The following TMEM68 variants were observed in gnomAD, a reference collection of about 807,000 sequenced individuals.
TMEM68 encodes transmembrane protein 68, also known as DGAT1/2-independent enzyme synthesizing storage lipids.
Under a neutral mutation model 36.9 loss-of-function variants are expected in TMEM68, and 25 were observed. That is an observed-to-expected ratio of 0.68 (90% CI 0.49 to 0.95). TMEM68 has a LOEUF of 0.95. TMEM68 is among the 40% of genes least tolerant of loss of function. TMEM68 has a pLI of 0.00. For synonymous variants in TMEM68, 131 were observed against 124.4 expected (o/e 1.05, Z -0.35); for missense variants, 333 against 392.0 (o/e 0.85, Z 1.27).
rs1350744660 is a variant in TMEM68 at position 55,763,017 on chromosome 8, C to T, written c.-58G>A. 4.0e-6 allele frequency: 6 copies of T among 1,509,348 alleles called. No homozygotes were observed. Among genetic ancestry groups the T allele is most frequent in the South Asian group, 2.7e-5 (2 of 74,150 alleles). 93.5% of individuals were successfully genotyped at this position (1,509,348 alleles called of 1,614,324 possible). On this transcript the variant is annotated 5_prime_UTR_variant, in exon 3 of 8. Transcript: ENST00000434581. ...CTTTCTTCATTGCCATAGCAGGTCG[C>T]TAATTTTGACACTAGAAGGGAAAAA...
chr8:55,751,268 CT>C, intron 4 of TMEM68, 111 bp from the exon 5 acceptor site: 1 of 963,228 alleles, frequency 1.0e-6, no homozygotes, highest in Non-Finnish European at 1.5e-6. Flanking sequence ...AATCAGTAAA[CT>C]TTTTTACTTG....
chr8:55,756,397 C>T lies in TMEM68; in HGVS notation c.340G>A (p.Gly114Arg). 1 of 1,580,046 alleles carries T rather than the reference C, an allele frequency of 6.3e-7. No homozygotes were observed. Residue 114 changes from glycine (G) to arginine (R), a missense_variant, in exon 4 of 8, where the codon GGA (glycine) becomes AGA (arginine). By Grantham distance (125) the Gly-to-Arg change is moderately radical (BLOSUM62 -2). Coordinates refer to ENST00000434581, the MANE Select transcript of TMEM68 (RefSeq NM_001286657.2). ...CCATCTTCTGGTATTTTTTCCATTC[C>T]ATGAACTTCATAACCTGTTTGAATG... ...AAVWHGYEVH[G>R]MEKIPEDGPA...
chr8:55,741,495 C>T (rs896378408), intron 7 of TMEM68, among the ~76,000 whole-genome samples: 23 of 152,246 alleles, frequency 1.5e-4, no homozygotes, highest in Non-Finnish European at 3.2e-4. Flanking sequence ...GAGCTCATAA[C>T]TTAAAACGAA....
intron 1 of TMEM68, among the ~76,000 whole-genome samples, chr8:55,765,118 T>G (rs571927006): frequency 2.0e-5 from 3 of 152,168 alleles, no homozygotes; most frequent in Non-Finnish European, 4.4e-5. Flanking sequence ...TTTACCCATG[T>G]TTGATCATTT....
In TMEM68 at chr8:55,750,975, C is replaced by A. The variant is rs1010022989; in HGVS notation, c.676G>T (p.Asp226Tyr). The change falls in exon 5 of 8, where the codon GAT becomes TAT. Residue 226 changes from aspartate to tyrosine, a missense_variant. Transcript: ENST00000434581. ...HRRGFAQVAI[D>Y]AKVPIIPMFT... ...TTTATATAACTCACCACTTTTGCATCAATTGCAACCTGAGCAAAGCCTCTG... is the reference window on the plus strand; with the variant it reads ...TTTATATAACTCACCACTTTTGCATAAATTGCAACCTGAGCAAAGCCTCTG... The A allele has an allele frequency of 1.2e-6, 2 of 1,603,070 alleles. No individual in the cohort carries two copies. The highest frequency in any genetic ancestry group is 1.7e-6 in the Non-Finnish European group (2 of 1,177,522).
chr8:55,740,293 G>T, intron 7 of TMEM68, 75 bp from the exon 8 acceptor site: 1 of 1,067,800 alleles, frequency 9.4e-7, no homozygotes, highest in Non-Finnish European at 1.4e-6. Context: ...TTACCCCTCA[G>T]AATTAATGAT....
At chr8:55,768,850 G>GA (rs1382256193) in intron 1 of TMEM68, among the ~76,000 whole-genome samples, 2 of 148,012 alleles carry the variant, frequency 1.4e-5, no homozygotes, top group Non-Finnish European at 3.0e-5. Context: ...TGCTCAAAAA[G>GA]AAAAAAAAAT....
At chr8:55,745,190 C>A in intron 5 of TMEM68, 69 bp from the exon 6 acceptor site, 2 of 1,029,448 alleles carry the variant, frequency 1.9e-6, no homozygotes, top group Non-Finnish European at 2.6e-6. Context: ...ATTAGAGTAA[C>A]TAATGCAAAC....
At chr8:55,752,790 T>C (rs1272599816) in intron 4 of TMEM68, among the ~76,000 whole-genome samples, 2 of 142,308 alleles carry the variant, frequency 1.4e-5, no homozygotes, top group Non-Finnish European at 3.0e-5. Context: ...AGGGGCACAA[T>C]AGTAGCTCAC....
At chr8:55,768,760 G>A (rs1032522572) in intron 1 of TMEM68, among the ~76,000 whole-genome samples, 6 of 151,422 alleles carry the variant, frequency 4.0e-5, no homozygotes, top group African/African-American at 1.2e-4. Flanking sequence ...GCACAAGAAT[G>A]GCTTGAACCC....
At chr8:55,761,676 G>A (rs905954334) in intron 3 of TMEM68, 1 of 152,034 alleles carries the variant, frequency 6.6e-6, no homozygotes, top group Non-Finnish European at 1.5e-5. Flanking sequence ...GCATAGGTAG[G>A]TGCTCAAAAA....
At chr8:55,744,498 G>A (rs972986716) in intron 6 of TMEM68, among the ~76,000 whole-genome samples, 1 of 150,970 alleles carries the variant, frequency 6.6e-6, no homozygotes, top group Admixed American at 6.6e-5. Context: ...TAGTAGAGAC[G>A]GGGTTTCACC....
chr8:55,756,231 A>G lies in TMEM68; in HGVS notation c.493+13T>C. 3.8e-6 allele frequency: 6 copies of G among 1,595,438 alleles called. No homozygotes were observed. Among genetic ancestry groups the G allele is most frequent in the East Asian group, 2.2e-5 (1 of 44,714 alleles). The stretch of plus-strand genomic sequence containing the variant: ...AAAACATTTTTACATTACTATCTAC[A>G]GTGAAAGTTTACCTGGAATTTTAAA... On this transcript the variant is annotated intron_variant, in intron 4 of 7. Coordinates refer to ENST00000434581, the MANE Select transcript of TMEM68 (RefSeq NM_001286657.2).
intron 3 of TMEM68, chr8:55,761,878 C>G (rs552317405): frequency 6.6e-6 from 1 of 152,254 alleles, no homozygotes; most frequent in East Asian, 1.9e-4. Context: ...CAACATAATA[C>G]AGAAAGCCAA....
At chr8:55,753,593 C>A (rs1810483300) in intron 4 of TMEM68, among the ~76,000 whole-genome samples, 1 of 152,160 alleles carries the variant, frequency 6.6e-6, no homozygotes. Context: ...TGAAGTAGAT[C>A]ATTACTTAAT....
At chr8:55,758,089 C>T (rs1324614233) in intron 3 of TMEM68, among the ~76,000 whole-genome samples, 4 of 152,016 alleles carry the variant, frequency 2.6e-5, no homozygotes, top group Admixed American at 1.3e-4. Context: ...GCAGGAGGGG[C>T]GTGAAGAGAC....
At chr8:55,752,786 A>C (rs1174969788) in intron 4 of TMEM68, among the ~76,000 whole-genome samples, 1 of 145,870 alleles carries the variant, frequency 6.9e-6, no homozygotes, top group South Asian at 2.2e-4. Flanking sequence ...ATGCAGGGGC[A>C]CAATAGTAGC....
intron 1 of TMEM68, among the ~76,000 whole-genome samples, chr8:55,768,643 C>T (rs1008126180): frequency 1.3e-5 from 2 of 151,802 alleles, no homozygotes; most frequent in African/African-American, 2.4e-5. Context: ...GCCAGGAGTT[C>T]AAGACCAGCC....
chr8:55,763,318 T>G (rs903768771), intron 2 of TMEM68: 4 of 162,618 alleles, frequency 2.5e-5, no homozygotes, highest in African/African-American at 7.2e-5. Context: ...CAGATTGATT[T>G]TAATAATTTG....
Sources: gnomAD v4.1 joint callset for allele counts (sites outside exome capture counted in the v4.1 genomes callset) on GRCh38, gnomAD v4.1.1 for gene constraint, MANE v1.5 for transcripts, NCBI Gene and HGNC (gene_info 2026-07-23, HGNC 2026-07-21) for gene names.